The following FBXO43 variants were observed in gnomAD, a reference collection of about 807,000 sequenced individuals.
FBXO43 encodes the protein F-box protein 43.
Under a neutral mutation model 56.7 loss-of-function variants are expected in FBXO43, and 22 were observed. The ratio of observed to expected loss-of-function variants is 0.39; its 90% CI spans 0.28 to 0.55. The LOEUF is 0.55. Ranked by LOEUF, FBXO43 falls within the 20% of genes least tolerant of loss-of-function variation. The pLI, the probability that FBXO43 is intolerant of heterozygous loss-of-function variation, is 0.66. For missense variants in FBXO43, 733 were observed against 814.9 expected (o/e 0.90, Z 1.22); for synonymous variants, 306 against 294.5 (o/e 1.04, Z -0.40).
upstream of FBXO43, among the ~76,000 whole-genome samples, chr8:100,149,392 C>A (rs1043808591): frequency 6.6e-6 from 1 of 152,222 alleles, no homozygotes; most frequent in Non-Finnish European, 1.5e-5. Flanking sequence ...ACTCTGTCAT[C>A]TTTCGCTTAG....
At chr8:100,134,385 C>T (rs1222369743) in intron 3 of FBXO43, 21 bp from the exon 4 acceptor site, 1 of 1,600,024 alleles carries the variant, frequency 6.2e-7, no homozygotes, top group Non-Finnish European at 8.6e-7. Context: ...GGACAAGAGG[C>T]ATCAATACTG....
chr8:100,144,293 C>CTTG (rs142407716), intron 1 of FBXO43, among the ~76,000 whole-genome samples: 5,221 of 151,794 alleles, frequency 0.034, 132 homozygotes, highest in Admixed American at 0.052. Flanking sequence ...GGGAGAAATG[C>CTTG]TTGAGTCCAG....
chr8:100,143,515 AT>A (rs1236285563), intron 1 of FBXO43, among the ~76,000 whole-genome samples: 6 of 152,242 alleles, frequency 3.9e-5, no homozygotes, highest in African/African-American at 1.2e-4. Context: ...AATGTCATAC[AT>A]GTCCCCTTCT....
chr8:100,138,937 T>C (rs1814556236), intron 2 of FBXO43, among the ~76,000 whole-genome samples: 1 of 152,188 alleles, frequency 6.6e-6, no homozygotes, highest in Non-Finnish European at 1.5e-5. Context: ...AGTTTATCGT[T>C]TGAACATTTT....
Position 100,140,973 on chromosome 8 carries a change from A to G in FBXO43, c.1281T>C (p.Ser427=). 1 of 1,614,096 alleles carries G rather than the reference A, an allele frequency of 6.2e-7. No individual in the cohort carries two copies. The highest frequency in any genetic ancestry group is 8.5e-7 in the Non-Finnish European group (1 of 1,180,022). The change falls in exon 2 of 5, where the codon AGT becomes AGC. Residue 427 remains serine, a synonymous_variant. Coordinates refer to ENST00000428847, the MANE Select transcript of FBXO43 (RefSeq NM_001029860.4). Reference sequence around the variant, plus strand: ...TCTTTAAGCTAAAGGTCAAATCCCCACTCTCATCACTACTCAGCTGACCCT... The same window carrying G: ...TCTTTAAGCTAAAGGTCAAATCCCCGCTCTCATCACTACTCAGCTGACCCT... ...ISEGQLSSDE[S]GDLTFSLKNL... is the part of the protein sequence containing the mutation.
At position 100,134,009 on chromosome 8, in the gene FBXO43, G is replaced by A; in HGVS notation, c.1920C>T (p.Cys640=). 4 of 1,614,152 alleles carry A rather than the reference G, an allele frequency of 2.5e-6. No individual in the cohort carries two copies. Among genetic ancestry groups the A allele is most frequent in the Non-Finnish European group, 2.5e-6 (3 of 1,180,006 alleles). Residue 640 remains cysteine, a synonymous_variant, in exon 5 of 5, where the codon TGC becomes TGT. Transcript: ENST00000428847. ...TLFTDEALKP[C]PRCQSPAKYQ... ...ACTTAGCAGGGGACTGGCACCTTGG[G>A]CAAGGTTTTAATGCTTCATCAGTAA...
intron 3 of FBXO43, 93 bp from the exon 4 acceptor site, chr8:100,134,457 G>A (rs1239454863): frequency 1.8e-6 from 2 of 1,093,786 alleles, no homozygotes; most frequent in East Asian, 4.9e-5. Flanking sequence ...CTTTGAAGAG[G>A]TTTTTTGCCA....
chr8:100,142,879 C>T (rs1164590631), intron 1 of FBXO43, among the ~76,000 whole-genome samples: 1 of 152,226 alleles, frequency 6.6e-6, no homozygotes, highest in East Asian at 1.9e-4. Context: ...ATTCATATCT[C>T]ACTTTCTAAA....
chr8:100,144,987 T>G, intron 1 of FBXO43, 64 bp downstream of exon 1: 1 of 1,493,024 alleles, frequency 6.7e-7, no homozygotes, highest in South Asian at 1.3e-5. Flanking sequence ...ACCTACCACA[T>G]CAGAGAATGA....
chr8:100,136,280 G>A (rs1428650631), intron 3 of FBXO43, among the ~76,000 whole-genome samples: 1 of 152,222 alleles, frequency 6.6e-6, no homozygotes, highest in Non-Finnish European at 1.5e-5. Flanking sequence ...ATAGTTCACT[G>A]TAATGAGAAA....
chr8:100,135,927 CT>C (rs76409293), intron 3 of FBXO43, among the ~76,000 whole-genome samples: 420 of 140,254 alleles, frequency 3.0e-3, no homozygotes, highest in East Asian at 3.9e-3. Flanking sequence ...TATTTCTTTT[CT>C]TTTTTTTTTT....
Position 100,133,808 on chromosome 8 carries a change from G to A in FBXO43, c.2121C>T (p.Arg707=). 2.5e-6 allele frequency: 4 copies of A among 1,613,768 alleles called. No homozygotes were observed. Among genetic ancestry groups the A allele is most frequent in the Non-Finnish European group, 3.4e-6 (4 of 1,179,940 alleles). ...GSAQSKRNLK[R]L is the part of the protein sequence containing the mutation. The stretch of plus-strand genomic sequence containing the variant: ...AGTTCTATATTTAGTCTCTTCAGAG[G>A]CGTTTTAAATTCCGCTTACTCTGGG... Residue 707 remains arginine (R), a synonymous_variant, in exon 5 of 5, where the codon CGC becomes CGT. Coordinates refer to ENST00000428847, the MANE Select transcript of FBXO43 (RefSeq NM_001029860.4).
At chr8:100,146,175 G>A (rs1172405764), upstream of FBXO43, among the ~76,000 whole-genome samples, 1 of 152,184 alleles carries the variant, frequency 6.6e-6, no homozygotes, top group Non-Finnish European at 1.5e-5. Context: ...TTAAAAATAT[G>A]GATATACACA....
chr8:100,143,172 GA>G (rs1218618602), intron 1 of FBXO43, among the ~76,000 whole-genome samples: 1 of 152,108 alleles, frequency 6.6e-6, no homozygotes, highest in Non-Finnish European at 1.5e-5. Flanking sequence ...ATAGTGTTAA[GA>G]AAAAAATTTA....
At position 100,140,802 on chromosome 8, in the gene FBXO43, T is replaced by C; in HGVS notation, c.1452A>G (p.Gly484=). Residue 484 remains glycine (G), a synonymous_variant, in exon 2 of 5, where the codon GGA becomes GGG. Coordinates refer to ENST00000428847, the MANE Select transcript of FBXO43 (RefSeq NM_001029860.4). The part of the protein sequence containing the change: ...KIAVLQCILA[G]LIGKKMGIEK... ...CTATACCCATTTTCTTGCCGATCAG[T>C]CCTGCAAGTATACACTGCAGTACAG... 1 of 1,614,222 alleles carries C rather than the reference T, an allele frequency of 6.2e-7. No individual in the cohort carries two copies. Among genetic ancestry groups the C allele is most frequent in the Non-Finnish European group, 8.5e-7 (1 of 1,180,028 alleles).
intron 3 of FBXO43, among the ~76,000 whole-genome samples, chr8:100,134,905 T>C (rs1814423845): frequency 6.6e-6 from 1 of 152,142 alleles, no homozygotes; most frequent in South Asian, 2.1e-4. Flanking sequence ...AGGAAGGATG[T>C]CTCTGAGGAA....
chr8:100,139,450 A>G (rs1318478682), intron 2 of FBXO43, among the ~76,000 whole-genome samples: 1 of 152,126 alleles, frequency 6.6e-6, no homozygotes, highest in Non-Finnish European at 1.5e-5. Context: ...AACAAAACAA[A>G]AAAACCAAGG....
upstream of FBXO43, among the ~76,000 whole-genome samples, chr8:100,147,440 CA>C (rs1814855345): frequency 6.6e-6 from 1 of 152,156 alleles, no homozygotes; most frequent in South Asian, 2.1e-4. Flanking sequence ...ACAAAATGTG[CA>C]AGAGCAGTTG....
rs768989830 is a variant in FBXO43, at chr8:100,134,292, G to A, written c.1747C>T (p.Gln583Ter). 1.2e-6 allele frequency: 2 copies of A among 1,613,980 alleles called. No individual in the cohort carries two copies. Among genetic ancestry groups the A allele is most frequent in the East Asian group, 2.2e-5 (1 of 44,890 alleles). Residue 583 changes from glutamine (Q) to a stop codon, truncating the protein, a stop_gained, in exon 4 of 5, where the codon CAG (glutamine) becomes TAG (stop). Transcript: ENST00000428847. LOFTEE classifies it high-confidence loss of function. ...LLNRSALRSV[Q>*]AQARIPGSQR... ...GAACCAGGTATCCTAGCCTGTGCCT[G>A]CACAGATCTTAAAGCTGAGCGATTT...
Sources: allele counts gnomAD v4.1 joint callset (sites outside exome capture counted in the v4.1 genomes callset), GRCh38; gene constraint gnomAD v4.1.1; transcripts MANE v1.5; gene names NCBI Gene and HGNC (gene_info 2026-07-23, HGNC 2026-07-21).